The following WWOX variants were observed in gnomAD, a reference collection of about 807,000 sequenced individuals.
WWOX encodes WW domain containing oxidoreductase, also known as WW domain-containing oxidoreductase.
In WWOX, 69 loss-of-function variants were observed where a neutral mutation model predicts 46.2. That is an observed-to-expected ratio of 1.49 (90% CI 1.23 to 1.82). The LOEUF (loss-of-function observed/expected upper bound fraction) is 1.82. Among genes scored for constraint, WWOX ranks in the 40% most tolerant of loss-of-function variants. The pLI is 0.00. For synonymous variants in WWOX, 359 were observed against 202.6 expected (o/e 1.77, Z -6.56); for missense variants, 919 against 542.6 (o/e 1.69, Z -6.89).
At chr16:78,577,786 G>A (rs1487348296) in intron 8 of WWOX, among the ~76,000 whole-genome samples, 2 of 152,130 alleles carry the variant, frequency 1.3e-5, no homozygotes, top group South Asian at 2.1e-4. Context: ...ACGATCTGTT[G>A]CTAGGTAATG....
At chr16:78,448,457 A>G (rs1321208139) in intron 8 of WWOX, among the ~76,000 whole-genome samples, 1 of 152,114 alleles carries the variant, frequency 6.6e-6, no homozygotes, top group Non-Finnish European at 1.5e-5. Context: ...GCTGCATTCA[A>G]GGTGTCCACT....
At position 78,099,751 on chromosome 16, in the gene WWOX, G is replaced by A. The variant is rs746332763; in HGVS notation, c.-28G>A. 3 of 1,522,716 alleles carry A rather than the reference G, an allele frequency of 2.0e-6. No homozygotes were observed. Among genetic ancestry groups the A allele is most frequent in the South Asian group, 2.5e-5 (2 of 80,794 alleles). The allele number at this position is 1,522,716 out of a possible 1,614,324, so 94.3% of individuals were successfully genotyped here. ...CGAGTGGACCCGGCAGCGGGCGATA[G>A]GGGGGCCAGGTGCCTCCACAGTCAG... On this transcript the variant is annotated 5_prime_UTR_variant, in exon 1 of 9. Coordinates refer to ENST00000566780, the MANE Select transcript of WWOX (RefSeq NM_016373.4).
At chr16:78,658,542 C>A (rs868696930) in intron 8 of WWOX, among the ~76,000 whole-genome samples, 1 of 152,128 alleles carries the variant, frequency 6.6e-6, no homozygotes, top group Non-Finnish European at 1.5e-5. Flanking sequence ...TGGTTCCTCC[C>A]GGGGCTCTCA....
chr16:78,994,951 T>C (rs924992419), intron 8 of WWOX, among the ~76,000 whole-genome samples: 1 of 143,204 alleles, frequency 7.0e-6, no homozygotes, highest in Admixed American at 7.4e-5. Context: ...TTTTCTTTCT[T>C]TTCTTCTTCT....
chr16:78,924,241 C>T (rs537925982), intron 8 of WWOX, among the ~76,000 whole-genome samples: 10 of 152,030 alleles, frequency 6.6e-5, no homozygotes, highest in Non-Finnish European at 1.5e-4. Flanking sequence ...TCATAGACGT[C>T]TTGGAAAAGA....
At chr16:78,613,734 G>A (rs1000665907) in intron 8 of WWOX, among the ~76,000 whole-genome samples, 3 of 152,148 alleles carry the variant, frequency 2.0e-5, no homozygotes, top group Non-Finnish European at 4.4e-5. Flanking sequence ...CTTTCCAGCC[G>A]AGAATGCTTT....
chr16:79,193,698 C>G (rs867889206), intron 8 of WWOX, among the ~76,000 whole-genome samples: 6 of 152,210 alleles, frequency 3.9e-5, no homozygotes, highest in African/African-American at 1.4e-4. Flanking sequence ...TGAGATCCCA[C>G]TGGTTTGGAG....
intron 8 of WWOX, among the ~76,000 whole-genome samples, chr16:78,550,293 A>T (rs559502134): frequency 6.6e-6 from 1 of 152,360 alleles, no homozygotes; most frequent in African/African-American, 2.4e-5. Context: ...CAAACTTTGC[A>T]AAGGTTCACA....
At chr16:79,077,016 T>C (rs1028269145) in intron 8 of WWOX, among the ~76,000 whole-genome samples, 4 of 152,170 alleles carry the variant, frequency 2.6e-5, no homozygotes, top group African/African-American at 9.7e-5. Flanking sequence ...ACTGTTTTTA[T>C]AGGGAAAAAC....
At chr16:78,129,955 G>A (rs906496721) in intron 4 of WWOX, 5 of 152,130 alleles carry the variant, frequency 3.3e-5, no homozygotes, top group Admixed American at 3.3e-4. Flanking sequence ...GAGGGACCCG[G>A]TGGGAGATAA....
intron 5 of WWOX, among the ~76,000 whole-genome samples, chr16:78,180,733 G>C (rs190024529): frequency 1.3e-5 from 2 of 151,606 alleles, no homozygotes; most frequent in Admixed American, 6.6e-5. Context: ...GGGTATACAT[G>C]AATACTAGTG....
rs151019757 is a variant in WWOX, at chr16:78,497,009, C to G, written c.1056+64257C>G. Among the ~76,000 whole-genome samples the G allele has an allele frequency of 5.6e-3, 846 of 152,320 alleles. 11 individuals are homozygous for G. Among genetic ancestry groups the G allele is most frequent in the African/African-American group, 0.02 (815 of 41,566 alleles). On this transcript the variant is annotated intron_variant, in intron 8 of 8. Coordinates refer to ENST00000566780, the MANE Select transcript of WWOX (RefSeq NM_016373.4). Reference sequence around the variant, plus strand: ...TGGCAAAGATGTTAGTAATGGGAAACTTTGGAGGAAGGCAAAGTCAGAAAT... The same window carrying G: ...TGGCAAAGATGTTAGTAATGGGAAAGTTTGGAGGAAGGCAAAGTCAGAAAT...
chr16:78,369,428 G>C (rs868282295), intron 5 of WWOX, among the ~76,000 whole-genome samples: 3 of 152,126 alleles, frequency 2.0e-5, no homozygotes, highest in Non-Finnish European at 4.4e-5. Flanking sequence ...AGATTATAAA[G>C]AGAAGAACCA....
At chr16:78,204,221 C>CT (rs2036321227) in intron 5 of WWOX, among the ~76,000 whole-genome samples, 1 of 152,048 alleles carries the variant, frequency 6.6e-6, no homozygotes, top group Non-Finnish European at 1.5e-5. Context: ...ACCCTCCAGC[C>CT]TTTTTTTGTT....
intron 8 of WWOX, among the ~76,000 whole-genome samples, chr16:78,918,948 G>C (rs10871356): frequency 0.57 from 86,291 of 151,952 alleles, 25,544 homozygotes; most frequent in East Asian, 0.78. Context: ...GGTAAGAAGA[G>C]TACCTTTCTG....
intron 8 of WWOX, among the ~76,000 whole-genome samples, chr16:78,642,198 G>A (rs1042342490): frequency 6.6e-5 from 10 of 152,124 alleles, no homozygotes; most frequent in Non-Finnish European, 2.9e-5. Context: ...GATAATTTGT[G>A]AATATCCATT....
At chr16:78,207,469 TG>T (rs1053200470) in intron 5 of WWOX, among the ~76,000 whole-genome samples, 2 of 152,102 alleles carry the variant, frequency 1.3e-5, no homozygotes, top group African/African-American at 2.4e-5. Context: ...TTTACATCTT[TG>T]TCAGCACTAA....
chr16:78,350,033 A>G lies in WWOX; in HGVS notation c.517-36827A>G, dbSNP rs1258848681. On this transcript the variant is annotated intron_variant, in intron 5 of 8. Coordinates refer to ENST00000566780, the MANE Select transcript of WWOX (RefSeq NM_016373.4). The stretch of plus-strand genomic sequence containing the variant: ...ATCGTACTGTGTATTATTCTCTAGT[A>G]GCCTGCTTTTTATTGAACTTAATGA... 1.6e-5 allele frequency among the ~76,000 whole-genome samples: 2 copies of G among 121,268 alleles called. 1 individual carries two copies. The highest frequency in any genetic ancestry group is 5.6e-5 in the African/African-American group (2 of 35,830). The allele number at this position is 121,268 out of a possible 152,430, so 79.6% of individuals were successfully genotyped here. A position where few individuals can be genotyped will look rare whatever the true frequency, so the allele number is the denominator to read the frequency against.
At chr16:78,682,675 A>G (rs2047757666) in intron 8 of WWOX, among the ~76,000 whole-genome samples, 1 of 152,136 alleles carries the variant, frequency 6.6e-6, no homozygotes, top group South Asian at 2.1e-4. Context: ...GAAGTTTGAG[A>G]TTGGCCTGGG....
Sources: gnomAD v4.1 joint callset for allele counts (sites outside exome capture counted in the v4.1 genomes callset) on GRCh38, gnomAD v4.1.1 for gene constraint, MANE v1.5 for transcripts, NCBI Gene and HGNC (gene_info 2026-07-23, HGNC 2026-07-21) for gene names.